GALNT1: variants seen among roughly 807,000 people sequenced by gnomAD.
GALNT1 encodes the protein GalNAc transferase 1.
GALNT1 carries 17 observed loss-of-function variants against 65.7 expected under a neutral mutation model. The observed-to-expected ratio is 0.26, with a 90% confidence interval of 0.18 to 0.39. GALNT1 has a LOEUF of 0.39. Ranked by LOEUF, GALNT1 falls within the 10% of genes least tolerant of loss-of-function variation. The pLI, the probability that GALNT1 is intolerant of heterozygous loss-of-function variation, is 1.00. For missense variants in GALNT1, 460 were observed against 672.8 expected, an observed-to-expected ratio of 0.68 and a Z score of 3.50; for synonymous variants, 210 against 219.7, an observed-to-expected ratio of 0.96 and a Z score of 0.39.
intron 1 of GALNT1, among the ~76,000 whole-genome samples, chr18:35,620,942 A>G (rs1270718524): frequency 1.3e-5 from 2 of 152,090 alleles, no homozygotes; most frequent in African/African-American, 4.8e-5. Context: ...TTGCTCTCCA[A>G]AGTGGCCGTG....
intron 1 of GALNT1, among the ~76,000 whole-genome samples, chr18:35,638,890 C>T (rs538500625): frequency 7.7e-4 from 117 of 152,304 alleles, no homozygotes; most frequent in African/African-American, 2.8e-3. Context: ...AGCAAGAGAA[C>T]TAGAATTAGA....
At chr18:35,686,125 A>G (rs976756765) in intron 5 of GALNT1, among the ~76,000 whole-genome samples, 2 of 152,188 alleles carry the variant, frequency 1.3e-5, no homozygotes, top group African/African-American at 4.8e-5. Context: ...AGAAAATATA[A>G]TGCAAAAAGA....
chr18:35,695,748 C>G (rs2048045412), intron 9 of GALNT1, among the ~76,000 whole-genome samples: 1 of 152,176 alleles, frequency 6.6e-6, no homozygotes, highest in Non-Finnish European at 1.5e-5. Context: ...GCCTTTCATT[C>G]TCACTGATGC....
intron 3 of GALNT1, 41 bp from the exon 4 acceptor site, chr18:35,677,550 T>G: frequency 6.4e-7 from 1 of 1,551,480 alleles, no homozygotes; most frequent in Non-Finnish European, 8.8e-7. Flanking sequence ...TTATGCAATC[T>G]TAACAGTCAC....
In GALNT1 at chr18:35,694,178, T is replaced by G. The variant is rs144360256; in HGVS notation, c.1299+1858T>G. On this transcript the variant is annotated intron_variant, in intron 9 of 11. Coordinates refer to ENST00000269195, the MANE Select transcript of GALNT1 (RefSeq NM_020474.4). ...CATGGATGTTGTTAAAAACTCTGTTTTGAAGAGAGAATGGAAGAAGCAACA... is the reference window on the plus strand; with the variant it reads ...CATGGATGTTGTTAAAAACTCTGTTGTGAAGAGAGAATGGAAGAAGCAACA... Among the ~76,000 whole-genome samples, 14 of 152,298 alleles carry G rather than the reference T, an allele frequency of 9.2e-5. No individual in the cohort carries two copies. In the East Asian group the frequency reaches 2.3e-3, roughly 25 times the overall value.
At chr18:35,656,711 T>G (rs1266450211) in intron 2 of GALNT1, among the ~76,000 whole-genome samples, 2 of 152,220 alleles carry the variant, frequency 1.3e-5, no homozygotes, top group East Asian at 1.9e-4. Flanking sequence ...GCTGAAGCAC[T>G]TTAAACAAGG....
At chr18:35,702,573 A>G (rs1357245443) in intron 9 of GALNT1, among the ~76,000 whole-genome samples, 1 of 152,206 alleles carries the variant, frequency 6.6e-6, no homozygotes, top group Admixed American at 6.5e-5. Flanking sequence ...GATTGATAAT[A>G]GTGTCATCAG....
rs553075865 is a variant in GALNT1 at position 35,626,205 on chromosome 18, A to C, written c.-103-28355A>C. Among the ~76,000 whole-genome samples the C allele has an allele frequency of 2.0e-5, 3 of 152,154 alleles. No homozygotes were observed. The South Asian group carries it at 6.2e-4, about 32-fold the overall frequency. On this transcript the variant is annotated intron_variant, in intron 1 of 11. Coordinates refer to ENST00000269195, the MANE Select transcript of GALNT1 (RefSeq NM_020474.4). ...ACTTAAACTGTGAAATGACATGCAA[A>C]CTCACTTTGTTGTCTCTCCTTCTAT... is the stretch of plus-strand genomic sequence containing the variant.
intron 1 of GALNT1, among the ~76,000 whole-genome samples, chr18:35,604,164 G>A (rs2046616702): frequency 2.0e-5 from 3 of 151,946 alleles, no homozygotes; most frequent in Non-Finnish European, 1.5e-5. Context: ...CCACTTATAA[G>A]AACATGTGGT....
intron 11 of GALNT1, among the ~76,000 whole-genome samples, chr18:35,704,707 C>T (rs1243944718): frequency 3.3e-5 from 5 of 151,846 alleles, no homozygotes; most frequent in African/African-American, 9.7e-5. Context: ...TGCAGTGGTG[C>T]AATCTCGGCT....
intron 7 of GALNT1, among the ~76,000 whole-genome samples, chr18:35,690,503 G>C (rs2047943911): frequency 6.6e-6 from 1 of 152,166 alleles, no homozygotes; most frequent in Non-Finnish European, 1.5e-5. Flanking sequence ...TTGTTAACAA[G>C]TACAGGTTGC....
intron 1 of GALNT1, among the ~76,000 whole-genome samples, chr18:35,631,792 G>C (rs1439500537): frequency 6.6e-6 from 1 of 152,134 alleles, no homozygotes; most frequent in Non-Finnish European, 1.5e-5. Context: ...TGACATGATT[G>C]TATATCTAGA....
chr18:35,599,913 G>C (rs192003770), intron 1 of GALNT1, among the ~76,000 whole-genome samples: 1 of 152,284 alleles, frequency 6.6e-6, no homozygotes, highest in Admixed American at 6.5e-5. Context: ...GTATCATGCT[G>C]TTTTGGTTAC....
chr18:35,681,379 C>A (rs1308283665), intron 4 of GALNT1, among the ~76,000 whole-genome samples: 1 of 152,018 alleles, frequency 6.6e-6, no homozygotes, highest in Non-Finnish European at 1.5e-5. Flanking sequence ...AAAGAAGACA[C>A]CTATATCCTA....
At chr18:35,681,215 T>C (rs192721389) in intron 4 of GALNT1, among the ~76,000 whole-genome samples, 71 of 152,294 alleles carry the variant, frequency 4.7e-4, no homozygotes, top group Admixed American at 4.6e-3. Context: ...CCAATAGTTA[T>C]AAAGGTGTCC....
chr18:35,638,513 G>T (rs946748831), intron 1 of GALNT1, among the ~76,000 whole-genome samples: 2 of 151,270 alleles, frequency 1.3e-5, no homozygotes, highest in African/African-American at 4.9e-5. Flanking sequence ...ATGATTAAAG[G>T]CCAGGTTCTA....
chr18:35,709,747 G>A lies in GALNT1; in HGVS notation c.1657G>A (p.Val553Ile), dbSNP rs200444543. ...SRSQQWLLRN[V>I]TLPEIF ...GTCCCAGCAGTGGCTTCTTCGAAAC[G>A]TCACCCTGCCAGAAATATTCTGAGA... The change falls in exon 12 of 12, where the codon GTC becomes ATC. Residue 553 changes from valine (V) to isoleucine (I), a missense_variant. By Grantham distance (29) the Val-to-Ile change is conservative. Coordinates refer to ENST00000269195, the MANE Select transcript of GALNT1 (RefSeq NM_020474.4). 3.7e-5 allele frequency: 59 copies of A among 1,614,054 alleles called. No individual in the cohort carries two copies. Among genetic ancestry groups the A allele is most frequent in the Admixed American group, 8.3e-5 (5 of 60,004 alleles).
chr18:35,663,874 G>A, intron 3 of GALNT1, 72 bp downstream of exon 3: 3 of 1,420,284 alleles, frequency 2.1e-6, no homozygotes, highest in Non-Finnish European at 2.9e-6. Flanking sequence ...AATTGCACTT[G>A]AGTGCTGATT....
intron 3 of GALNT1, among the ~76,000 whole-genome samples, 171 bp from the exon 4 acceptor site, chr18:35,677,420 A>G (rs1488108083): frequency 1.3e-5 from 2 of 152,230 alleles, no homozygotes; most frequent in East Asian, 1.9e-4. Context: ...CACTTTAAAT[A>G]GGTGCTATTT....
Sources: allele counts gnomAD v4.1 joint callset (sites outside exome capture counted in the v4.1 genomes callset), GRCh38; gene constraint gnomAD v4.1.1; transcripts MANE v1.5; gene names NCBI Gene and HGNC (gene_info 2026-07-23, HGNC 2026-07-21).